Variants in XPNPEP2 observed in about 807,000 individuals in gnomAD.
XPNPEP2 encodes the protein xaa-Pro aminopeptidase 2.
XPNPEP2 carries 64 observed loss-of-function variants against 59.8 expected under a neutral mutation model. The observed-to-expected ratio is 1.07, with a 90% confidence interval of 0.87 to 1.32. XPNPEP2 has a LOEUF of 1.32. Among genes scored for constraint, XPNPEP2 ranks in the 40% most tolerant of loss-of-function variants. XPNPEP2 has a pLI of 0.00. For missense variants in XPNPEP2, 575 were observed against 546.8 expected (o/e 1.05, Z -0.51); for synonymous variants, 235 against 210.0 (o/e 1.12, Z -1.03).
At chrX:129,757,163 C>T (rs1278174778) in intron 14 of XPNPEP2, among the ~76,000 whole-genome samples, 1 of 105,484 alleles carries the variant, frequency 9.5e-6, no homozygotes, top group Non-Finnish European at 1.9e-5. Flanking sequence ...AAACTCCTGA[C>T]CTCAGGTGAT....
At chrX:129,758,151 T>A (rs1926590265) in intron 14 of XPNPEP2, among the ~76,000 whole-genome samples, 1 of 111,460 alleles carries the variant, frequency 9.0e-6, no homozygotes, top group African/African-American at 3.3e-5. Flanking sequence ...AAATGGCGAA[T>A]GTGCTAACGA....
At chrX:129,765,786 C>G (rs1015965251) in intron 19 of XPNPEP2, among the ~76,000 whole-genome samples, 1 of 109,785 alleles carries the variant, frequency 9.1e-6, no homozygotes, top group Non-Finnish European at 1.9e-5. Context: ...TACAGGCACA[C>G]ACCACCACGA....
At chrX:129,745,145 T>C (rs750099119) in intron 3 of XPNPEP2, 58 bp from the exon 4 acceptor site, 1 of 1,189,258 alleles carries the variant, frequency 8.4e-7, no homozygotes, top group East Asian at 3.0e-5. Context: ...GTTGGGGGCC[T>C]TTCATGTGGG....
chrX:129,753,248 C>T lies in XPNPEP2; in HGVS notation c.1107C>T (p.His369=), dbSNP rs776918670. The T allele has an allele frequency of 6.6e-6, 8 of 1,206,332 alleles. No individual in the cohort carries two copies. In the South Asian group the frequency reaches 8.8e-5, roughly 13 times the overall value. The change falls in exon 11 of 21, where the codon CAC becomes CAT. Residue 369 remains histidine (H), a splice_region_variant and synonymous_variant. Coordinates refer to ENST00000371106, the MANE Select transcript of XPNPEP2 (RefSeq NM_003399.6). ...AGCAGGCCCTCCTCAAGGCCAGCCA[C>T]GTAAGTCCACGTTCAGGCAGACATG... ...SKEQALLKAS[H]VRDAVAVIRY... is the part of the protein sequence containing the mutation.
Position 129,755,464 on chromosome X carries a change from C to T in XPNPEP2, c.1295+93C>T, listed in dbSNP as rs892737508. ...GTGAGGGGAGGGGGATGTTCTGGGA[C>T]CTGAGTCCACGTTGAAGGTCCGAGG... On this transcript the variant is annotated intron_variant, in intron 13 of 20. Transcript: ENST00000371106. 9 of 910,457 alleles carry T rather than the reference C, an allele frequency of 9.9e-6. No individual in the cohort carries two copies. The South Asian group carries it at 1.1e-4, about 11-fold the overall frequency. 75.0% of individuals were successfully genotyped at this position (910,457 alleles called of 1,213,427 possible).
Position 129,754,535 on chromosome X carries a change from A to G in XPNPEP2, c.1171A>G (p.Thr391Ala). The change falls in exon 12 of 21, where the codon ACA becomes GCA. Residue 391 changes from threonine to alanine, a missense_variant. Thr to Ala is a moderately conservative substitution (Grantham distance 58). Transcript: ENST00000371106. Reference protein sequence around the residue: ...VWLEKNVPKGTVDEFSGAEIV... With the variant: ...VWLEKNVPKGAVDEFSGAEIV... ...GCTGGAGAAGAACGTGCCCAAAGGC[A>G]CAGTGGATGAGTTCTCGGGGGCAGA... The G allele has an allele frequency of 8.4e-7, 1 of 1,193,102 alleles. No individual in the cohort carries two copies. The highest frequency in any genetic ancestry group is 1.1e-6 in the Non-Finnish European group (1 of 887,026).
At chrX:129,761,031 C>A in intron 16 of XPNPEP2, 141 bp from the exon 17 acceptor site, 1 of 517,742 alleles carries the variant, frequency 1.9e-6, no homozygotes, top group Non-Finnish European at 3.2e-6. Flanking sequence ...CCCAACCCAA[C>A]ATCATTGCAT....
intron 3 of XPNPEP2, among the ~76,000 whole-genome samples, chrX:129,744,496 G>T (rs1174839043): frequency 1.8e-5 from 2 of 111,814 alleles, no homozygotes; most frequent in Admixed American, 9.4e-5. Context: ...GGTTAAGGGA[G>T]CGCGGGGTTG....
In XPNPEP2 at chrX:129,768,533, T is replaced by G; in HGVS notation, c.*48T>G. 9.4e-7 allele frequency: 1 copy of G among 1,058,324 alleles called. No individual in the cohort carries two copies. Among genetic ancestry groups the G allele is most frequent in the Non-Finnish European group, 1.2e-6 (1 of 801,933 alleles). The allele number at this position is 1,058,324 out of a possible 1,213,427, so 87.2% of individuals were successfully genotyped here. ...CCCTCCATCTAGATGGGGGGCTCCC[T>G]TGCTTAGCTCCCCTCACCCTGCACT... On this transcript the variant is annotated 3_prime_UTR_variant, in exon 21 of 21. Coordinates refer to ENST00000371106, the MANE Select transcript of XPNPEP2 (RefSeq NM_003399.6).
intron 3 of XPNPEP2, among the ~76,000 whole-genome samples, chrX:129,744,295 A>G (rs1039782389): frequency 8.9e-6 from 1 of 112,022 alleles, no homozygotes; most frequent in African/African-American, 3.2e-5. Flanking sequence ...AAGAAATTAA[A>G]CTATAAACAA....
chrX:129,747,503 T>TGCAAAGGGAG, intron 6 of XPNPEP2, 104 bp from the exon 7 acceptor site: 1 of 1,119,915 alleles, frequency 8.9e-7, no homozygotes, highest in Non-Finnish European at 1.2e-6. Flanking sequence ...GCAGCTGGGC[T>TGCAAAGGGAG]GCAAAGGGAG....
At chrX:129,759,385 C>T (rs1474331223) in intron 15 of XPNPEP2, 145 bp downstream of exon 15, 2 of 681,438 alleles carry the variant, frequency 2.9e-6, no homozygotes, top group African/African-American at 4.3e-5. Context: ...TGCCGGAAAA[C>T]CCAGTGCTCC....
intron 3 of XPNPEP2, 36 bp from the exon 4 acceptor site, chrX:129,745,167 C>A: frequency 8.3e-7 from 1 of 1,208,307 alleles, no homozygotes; most frequent in Non-Finnish European, 1.1e-6. Flanking sequence ...TCTGATACCA[C>A]GAAAAAGGCT....
At chrX:129,765,182 G>A (rs770803465) in intron 19 of XPNPEP2, among the ~76,000 whole-genome samples, 32 of 111,387 alleles carry the variant, frequency 2.9e-4, no homozygotes, top group Middle Eastern at 9.4e-3. Flanking sequence ...CTAGGAGAGT[G>A]GTCTGCAATA....
At position 129,752,216 on chromosome X, in the gene XPNPEP2, C is replaced by T. The variant is rs376500508; in HGVS notation, c.888C>T (p.Gly296=). 1.7e-6 allele frequency: 2 copies of T among 1,211,989 alleles called. No individual in the cohort carries two copies. Among genetic ancestry groups the T allele is most frequent in the African/African-American group, 3.5e-5 (2 of 57,850 alleles). Residue 296 remains glycine (G), a synonymous_variant, in exon 10 of 21, where the codon GGC becomes GGT. Transcript: ENST00000371106. ...GCTATCTGAACTCCAGTTGCACAGGCCCCATGTGTGTGCAAATCGAGGATT... is the reference window on the plus strand; with the variant it reads ...GCTATCTGAACTCCAGTTGCACAGGTCCCATGTGTGTGCAAATCGAGGATT... ...TLSYLNSSCT[G]PMCVQIEDYS...
At chrX:129,746,209 C>T in intron 4 of XPNPEP2, 27 bp from the exon 5 acceptor site, 1 of 1,189,536 alleles carries the variant, frequency 8.4e-7, no homozygotes, top group Non-Finnish European at 1.1e-6. Context: ...TTCACCCTCA[C>T]CTGCAAGTTT....
Position 129,755,301 on chromosome X carries a change from C to T in XPNPEP2, c.1225C>T (p.Gln409Ter). 1 of 1,211,682 alleles carries T rather than the reference C, an allele frequency of 8.3e-7. No individual in the cohort carries two copies. The highest frequency in any genetic ancestry group is 1.1e-6 in the Non-Finnish European group (1 of 895,276). The change falls in exon 13 of 21, where the codon CAG (glutamine) becomes TAG (stop). Residue 409 changes from glutamine to a stop codon, truncating the protein, a stop_gained. Coordinates refer to ENST00000371106, the MANE Select transcript of XPNPEP2 (RefSeq NM_003399.6). LOFTEE classifies it high-confidence loss of function. Reference sequence around the variant, plus strand: ...TTGCCTTGTACTTTCCAGAGAAGAACAGTTCTCCTCCGGACCCAGTTTTGA... The same window carrying T: ...TTGCCTTGTACTTTCCAGAGAAGAATAGTTCTCCTCCGGACCCAGTTTTGA... ...EIVDKFRGEE[Q>*]FSSGPSFETI...
rs747707460 is a variant in XPNPEP2 at position 129,762,687 on chromosome X, C to T, written c.1664-7C>T. Reference sequence around the variant, plus strand: ...CTTAATGCCACCAGCATCTCTGTGTCTCCCAGAACCTGGTTACTATAAGGA... The same window carrying T: ...CTTAATGCCACCAGCATCTCTGTGTTTCCCAGAACCTGGTTACTATAAGGA... On this transcript the variant is annotated splice_polypyrimidine_tract_variant and splice_region_variant and intron_variant, in intron 18 of 20. Coordinates refer to ENST00000371106, the MANE Select transcript of XPNPEP2 (RefSeq NM_003399.6). 12 of 1,208,796 alleles carry T rather than the reference C, an allele frequency of 9.9e-6. No homozygotes were observed. The African/African-American group carries it at 1.9e-4, about 19-fold the overall frequency.
intron 2 of XPNPEP2, among the ~76,000 whole-genome samples, chrX:129,742,873 G>C (rs886361739): frequency 6.2e-5 from 7 of 112,099 alleles, no homozygotes; most frequent in Admixed American, 3.8e-4. Context: ...CTGCACTCCA[G>C]TCTGGGCGAC....
Sources: allele counts gnomAD v4.1 joint callset (sites outside exome capture counted in the v4.1 genomes callset), GRCh38; gene constraint gnomAD v4.1.1; transcripts MANE v1.5; gene names NCBI Gene and HGNC (gene_info 2026-07-23, HGNC 2026-07-21).